The following DLGAP1 variants were observed in gnomAD, a reference collection of about 807,000 sequenced individuals.
The protein encoded by DLGAP1 is disks large-associated protein 1.
DLGAP1 carries 11 observed loss-of-function variants against 90.8 expected under a neutral mutation model. The observed-to-expected ratio is 0.12, with a 90% CI of 0.08 to 0.20. The LOEUF (loss-of-function observed/expected upper bound fraction) is 0.20, where lower values mean the gene tolerates loss of function less well. Ranked by LOEUF, DLGAP1 falls within the 10% of genes least tolerant of loss-of-function variation. DLGAP1 has a pLI of 1.00. For missense variants in DLGAP1, 1,050 were observed against 1,333.8 expected (o/e 0.79, Z 3.31); for synonymous variants, 558 against 540.7 (o/e 1.03, Z -0.44).
chr18:4,348,740 C>T (rs923050089), intron 1 of DLGAP1, among the ~76,000 whole-genome samples: 2 of 151,842 alleles, frequency 1.3e-5, no homozygotes, highest in African/African-American at 4.8e-5. Context: ...TCAGAGTCAC[C>T]CTGAAGGAGC....
At chr18:3,781,585 C>G (rs2065195354) in intron 5 of DLGAP1, among the ~76,000 whole-genome samples, 1 of 152,026 alleles carries the variant, frequency 6.6e-6, no homozygotes, top group South Asian at 2.1e-4. Context: ...AAGCTCCTGA[C>G]TTTGTGATCT....
In DLGAP1 at chr18:3,620,545, T is replaced by TTTATTA. The variant is rs4065327; in HGVS notation, c.1592-38303_1592-38298dup. On this transcript the variant is annotated intron_variant, in intron 7 of 12. Coordinates refer to ENST00000315677, the MANE Select transcript of DLGAP1 (RefSeq NM_004746.4). ...TCCTCGAGAACAACTGCTATCACAT[T>TTTATTA]TTATTATTATTATTATTATTATTAT... Among the ~76,000 whole-genome samples the TTTATTA allele has an allele frequency of 9.4e-3, 1,405 of 149,936 alleles. 13 individuals are homozygous for TTTATTA. Among genetic ancestry groups the TTTATTA allele is most frequent in the Non-Finnish European group, 0.014 (967 of 67,570 alleles).
rs950173325 is a variant in DLGAP1, at chr18:3,757,348, G to A, written c.1173-14836C>T. ...CGCTTGAAACCGGGAGGCAGAGGTT[G>A]CAGTGAGCCAAGACTGTGCCATTGC... On this transcript the variant is annotated intron_variant, in intron 5 of 12. Transcript: ENST00000315677. Among the ~76,000 whole-genome samples, 7 of 152,216 alleles carry A rather than the reference G, an allele frequency of 4.6e-5. 1 individual carries two copies. Among genetic ancestry groups the A allele is most frequent in the African/African-American group, 1.7e-4 (7 of 41,452 alleles).
chr18:3,625,057 C>T (rs1193132619), intron 7 of DLGAP1, among the ~76,000 whole-genome samples: 2 of 152,154 alleles, frequency 1.3e-5, no homozygotes, highest in Non-Finnish European at 2.9e-5. Flanking sequence ...TGTCCTCCAC[C>T]CCTGCCAAGT....
intron 1 of DLGAP1, among the ~76,000 whole-genome samples, chr18:4,441,729 T>G (rs2083540203): frequency 6.6e-6 from 1 of 152,228 alleles, no homozygotes; most frequent in Admixed American, 6.5e-5. Context: ...AGCTAGGCTG[T>G]GAAGTGAAAT....
chr18:3,985,546 C>A (rs575608096), intron 3 of DLGAP1, among the ~76,000 whole-genome samples: 35 of 146,356 alleles, frequency 2.4e-4, no homozygotes, highest in Admixed American at 4.8e-4. Flanking sequence ...TAACATAGAA[C>A]AAAATAAATA....
At chr18:3,635,201 G>A (rs965736719) in intron 7 of DLGAP1, among the ~76,000 whole-genome samples, 2 of 151,306 alleles carry the variant, frequency 1.3e-5, no homozygotes, top group African/African-American at 2.4e-5. Context: ...CGGGATCTCG[G>A]CTCACTGCAA....
intron 5 of DLGAP1, among the ~76,000 whole-genome samples, chr18:3,790,193 G>C (rs12605073): frequency 0.21 from 31,579 of 151,974 alleles, 4,139 homozygotes; most frequent in Non-Finnish European, 0.3. Context: ...CAGATGCCCA[G>C]TGAATGGTGG....
chr18:4,112,837 G>T (rs2144019782), intron 2 of DLGAP1, among the ~76,000 whole-genome samples: 1 of 152,148 alleles, frequency 6.6e-6, no homozygotes, highest in South Asian at 2.1e-4. Flanking sequence ...TTAGCTCCCA[G>T]TTAAAATTGA....
At chr18:4,111,569 GAA>G (rs2075972917) in intron 2 of DLGAP1, among the ~76,000 whole-genome samples, 1 of 152,018 alleles carries the variant, frequency 6.6e-6, no homozygotes, top group Non-Finnish European at 1.5e-5. Flanking sequence ...TTTCTTTATG[GAA>G]AATGTAAAAA....
At chr18:3,865,899 C>T (rs1196407144) in intron 4 of DLGAP1, among the ~76,000 whole-genome samples, 1 of 152,122 alleles carries the variant, frequency 6.6e-6, no homozygotes, top group Non-Finnish European at 1.5e-5. Context: ...CCCTTTACCC[C>T]ATCTTCATCT....
chr18:3,771,439 G>C (rs1274407168), intron 5 of DLGAP1: 1 of 152,310 alleles, frequency 6.6e-6, no homozygotes, highest in Non-Finnish European at 1.5e-5. Context: ...CTGAGAGTGC[G>C]TCTGTGTTTC....
At chr18:4,037,135 G>C (rs2074901475) in intron 2 of DLGAP1, among the ~76,000 whole-genome samples, 2 of 152,210 alleles carry the variant, frequency 1.3e-5, no homozygotes, top group South Asian at 2.1e-4. Context: ...AAGATGAAGA[G>C]AGTTGAGAAA....
At chr18:3,641,147 CATTT>C (rs888468326) in intron 7 of DLGAP1, among the ~76,000 whole-genome samples, 5 of 151,926 alleles carry the variant, frequency 3.3e-5, no homozygotes, top group African/African-American at 9.7e-5. Context: ...TGTGTATGAA[CATTT>C]ATTACTTAAT....
At chr18:3,877,153 A>C (rs2071024912) in intron 4 of DLGAP1, among the ~76,000 whole-genome samples, 1 of 152,206 alleles carries the variant, frequency 6.6e-6, no homozygotes, top group African/African-American at 2.4e-5. Context: ...ACAAAGATTA[A>C]ATGAAATAAG....
chr18:3,814,357 TTC>T, intron 4 of DLGAP1, 84 bp from the exon 5 acceptor site: 4 of 1,291,830 alleles, frequency 3.1e-6, no homozygotes, highest in Non-Finnish European at 4.2e-6. Flanking sequence ...GATTTAACAT[TTC>T]TATTTTTTTT....
chr18:3,661,076 AT>A (rs1254066381), intron 7 of DLGAP1, among the ~76,000 whole-genome samples: 1 of 152,090 alleles, frequency 6.6e-6, no homozygotes, highest in Non-Finnish European at 1.5e-5. Context: ...TTATTCATTT[AT>A]TTTTTAGATG....
At chr18:3,531,719 G>A (rs1476718660) in intron 10 of DLGAP1, among the ~76,000 whole-genome samples, 1 of 152,012 alleles carries the variant, frequency 6.6e-6, no homozygotes, top group Non-Finnish European at 1.5e-5. Flanking sequence ...CTGACCTCAA[G>A]TGATCTACCC....
In DLGAP1 at chr18:3,765,117, C is replaced by CTTTTTTTTTTTTTTT. The variant is rs921982904; in HGVS notation, c.1173-22606_1173-22605insAAAAAAAAAAAAAAA. 2.2e-4 allele frequency among the ~76,000 whole-genome samples: 28 copies of CTTTTTTTTTTTTTTT among 126,404 alleles called. 1 individual carries two copies. Among genetic ancestry groups the CTTTTTTTTTTTTTTT allele is most frequent in the East Asian group, 8.6e-4 (3 of 3,486 alleles). The allele number at this position is 126,404 out of a possible 152,430, so 82.9% of individuals were successfully genotyped here. The stretch of plus-strand genomic sequence containing the variant: ...CAGAATCTCCATGCACACTTGCAAA[C>CTTTTTTTTTTTTTTT]TTTTTTTTTTTTCTTTTTTTTTTTT... On this transcript the variant is annotated intron_variant, in intron 5 of 12. Transcript: ENST00000315677.
Sources: gnomAD v4.1 joint callset for allele counts (sites outside exome capture counted in the v4.1 genomes callset) on GRCh38, gnomAD v4.1.1 for gene constraint, MANE v1.5 for transcripts, NCBI Gene and HGNC (gene_info 2026-07-23, HGNC 2026-07-21) for gene names.